ASH2L: variants seen among roughly 807,000 people sequenced by gnomAD.
ASH2L encodes the protein set1/Ash2 histone methyltransferase complex subunit ASH2.
ASH2L carries 30 observed loss-of-function variants against 81.1 expected under a neutral mutation model. The observed-to-expected ratio is 0.37, with a 90% CI of 0.28 to 0.50. The LOEUF (loss-of-function observed/expected upper bound fraction) is 0.50. Ranked by LOEUF, ASH2L falls within the 20% of genes least tolerant of loss-of-function variation. The pLI is 0.95. For missense variants in ASH2L, 559 were observed against 792.1 expected, an observed-to-expected ratio of 0.71 and a Z score of 3.53; for synonymous variants, 273 against 279.9, an observed-to-expected ratio of 0.98 and a Z score of 0.24.
intron 15 of ASH2L, 31 bp downstream of exon 15, chr8:38,138,906 C>G (rs768677323): frequency 1.2e-6 from 2 of 1,613,442 alleles, no homozygotes; most frequent in Non-Finnish European, 1.7e-6. Flanking sequence ...CTGCATGTGT[C>G]CTCAGCATCT....
chr8:38,114,373 T>A, intron 6 of ASH2L, 86 bp downstream of exon 6: 1 of 861,210 alleles, frequency 1.2e-6, no homozygotes, highest in Non-Finnish European at 1.8e-6. Context: ...CATTGTGAAA[T>A]GATAAAATTA....
chr8:38,119,190 T>G, intron 8 of ASH2L, 80 bp from the exon 9 acceptor site: 1 of 1,252,380 alleles, frequency 8.0e-7, no homozygotes. Flanking sequence ...ACATTGGGTG[T>G]GTTGGTCCCT....
chr8:38,106,217 A>C (rs1810424174), intron 1 of ASH2L, 161 bp from the exon 2 acceptor site: 1 of 1,427,620 alleles, frequency 7.0e-7, no homozygotes, highest in Non-Finnish European at 9.6e-7. Context: ...CCACCTTCTC[A>C]GTATCCTGAC....
At chr8:38,127,829 C>T (rs958476342) in intron 10 of ASH2L, among the ~76,000 whole-genome samples, 23 of 149,624 alleles carry the variant, frequency 1.5e-4, no homozygotes, top group African/African-American at 3.9e-4. Flanking sequence ...GGGCAGATCA[C>T]GAGGTCAGGA....
intron 13 of ASH2L, among the ~76,000 whole-genome samples, chr8:38,134,905 A>G (rs1031066585): frequency 1.3e-5 from 2 of 152,222 alleles, no homozygotes; most frequent in African/African-American, 4.8e-5. Context: ...AAGGAGGAAC[A>G]TGAGGATTCA....
chr8:38,132,563 C>G (rs992614864), intron 12 of ASH2L, among the ~76,000 whole-genome samples: 34 of 152,184 alleles, frequency 2.2e-4, no homozygotes, highest in Non-Finnish European at 4.0e-4. Context: ...CTTTGGGAGG[C>G]TGAGGCGGGT....
chr8:38,119,511 A>G, intron 9 of ASH2L, 148 bp downstream of exon 9: 1 of 647,868 alleles, frequency 1.5e-6, no homozygotes, highest in Non-Finnish European at 2.5e-6. Context: ...GGACAAAATA[A>G]CCCCAGGTTG....
At chr8:38,136,487 A>C (rs1802261985) in intron 14 of ASH2L, among the ~76,000 whole-genome samples, 1 of 150,454 alleles carries the variant, frequency 6.6e-6, no homozygotes, top group African/African-American at 2.4e-5. Context: ...TATATAGAAA[A>C]GTTGGGGCTG....
intron 10 of ASH2L, chr8:38,124,164 T>A (rs1801739378): frequency 6.6e-6 from 1 of 152,104 alleles, no homozygotes; most frequent in South Asian, 2.1e-4. Flanking sequence ...TATACATGAA[T>A]AGCAGCGTGC....
chr8:38,110,348 C>T, intron 3 of ASH2L, 31 bp from the exon 4 acceptor site: 1 of 1,521,704 alleles, frequency 6.6e-7, no homozygotes, highest in Non-Finnish European at 9.1e-7. Context: ...TTCACAAGTT[C>T]ACTAATTCGT....
At chr8:38,110,196 G>A (rs1810626381) in intron 3 of ASH2L, among the ~76,000 whole-genome samples, 183 bp from the exon 4 acceptor site, 1 of 152,162 alleles carries the variant, frequency 6.6e-6, no homozygotes, top group South Asian at 2.1e-4. Flanking sequence ...TATAGTCCCA[G>A]CTACTTGGGG....
In ASH2L at chr8:38,121,574, T is replaced by C. The variant is rs549085159; in HGVS notation, c.1165+425T>C. The stretch of plus-strand genomic sequence containing the variant: ...AAAGACCTTTCAATTTTACCAGTTT[T>C]TCCACTCACACTTAATTATTTCTCT... On this transcript the variant is annotated intron_variant, in intron 10 of 15. Coordinates refer to ENST00000343823, the MANE Select transcript of ASH2L (RefSeq NM_004674.5). Among the ~76,000 whole-genome samples, 8 of 152,180 alleles carry C rather than the reference T, an allele frequency of 5.3e-5. No homozygotes were observed. The South Asian group carries it at 8.3e-4, about 16-fold the overall frequency.
At chr8:38,106,315 G>T in intron 1 of ASH2L, 63 bp from the exon 2 acceptor site, 1 of 1,510,016 alleles carries the variant, frequency 6.6e-7, no homozygotes, top group Non-Finnish European at 9.2e-7. Flanking sequence ...CATCATTTTT[G>T]GGAATAGGCA....
intron 1 of ASH2L, chr8:38,106,169 T>G (rs1373610147): frequency 6.5e-7 from 1 of 1,529,564 alleles, no homozygotes; most frequent in Non-Finnish European, 8.8e-7. Flanking sequence ...CCGGTTAGGC[T>G]TCCCTGTGCT....
intron 12 of ASH2L, among the ~76,000 whole-genome samples, chr8:38,131,647 A>AAAAT (rs879528190): frequency 1.6e-4 from 24 of 152,296 alleles, no homozygotes; most frequent in Non-Finnish European, 2.2e-4. Context: ...GACTGTCTCA[A>AAAAT]AAATAAATAA....
intron 7 of ASH2L, among the ~76,000 whole-genome samples, chr8:38,116,289 C>T (rs927286868): frequency 6.6e-6 from 1 of 152,098 alleles, no homozygotes; most frequent in Admixed American, 6.6e-5. Flanking sequence ...TCACTTGAAC[C>T]TGGTAGGCAG....
intron 10 of ASH2L, chr8:38,124,479 G>C (rs951180957): frequency 1.3e-5 from 2 of 152,000 alleles, no homozygotes; most frequent in African/African-American, 4.8e-5. Flanking sequence ...CCAAAGTGCT[G>C]GGATTATAGG....
In ASH2L at chr8:38,110,362, AT is replaced by A. The variant is rs1810634064; in HGVS notation, c.402-14del. On this transcript the variant is annotated splice_polypyrimidine_tract_variant and intron_variant, in intron 3 of 15. Transcript: ENST00000343823. ...GTTCACAAGTTCACTAATTCGTATAATTTGGCTCTTCGGCAGATCCTGTCTA... is the reference window on the plus strand; with the variant it reads ...GTTCACAAGTTCACTAATTCGTATAATTGGCTCTTCGGCAGATCCTGTCTA... 3.8e-6 allele frequency: 6 copies of A among 1,595,396 alleles called. No individual in the cohort carries two copies. The East Asian group carries it at 6.7e-5, about 18-fold the overall frequency.
At chr8:38,105,517 G>C (rs759976710), upstream of ASH2L, 9 of 1,517,900 alleles carry the variant, frequency 5.9e-6, no homozygotes, top group East Asian at 1.8e-4. Flanking sequence ...CGAGAGAAGA[G>C]AGTATTCTCG....
Sources: allele counts gnomAD v4.1 joint callset (sites outside exome capture counted in the v4.1 genomes callset), GRCh38; gene constraint gnomAD v4.1.1; transcripts MANE v1.5; gene names NCBI Gene and HGNC (gene_info 2026-07-23, HGNC 2026-07-21).